Variants in EIF2B3 observed in about 807,000 individuals in gnomAD.
The protein encoded by EIF2B3 is translation initiation factor eIF2B subunit gamma.
A neutral mutation model predicts 54.1 loss-of-function variants in EIF2B3; 20 were observed. The observed-to-expected ratio is 0.37, with a 90% CI of 0.26 to 0.54. The LOEUF (loss-of-function observed/expected upper bound fraction) is 0.54. EIF2B3 is among the 20% of genes least tolerant of loss of function. The probability of loss-of-function intolerance (pLI) is 0.86; values close to 1 mark genes in which losing one functional copy is unlikely to be tolerated. For synonymous variants in EIF2B3, 153 were observed against 188.1 expected (o/e 0.81, Z 1.52); for missense variants, 448 against 547.8 (o/e 0.82, Z 1.82).
intron 4 of EIF2B3, among the ~76,000 whole-genome samples, chr1:44,941,124 A>AT (rs1221603955): frequency 2.0e-5 from 3 of 152,124 alleles, no homozygotes; most frequent in African/African-American, 7.2e-5. Context: ...TGACCTTGTG[A>AT]TCCCCCTGCC....
chr1:44,896,405 G>A (rs1206338555), intron 6 of EIF2B3, among the ~76,000 whole-genome samples: 1 of 152,190 alleles, frequency 6.6e-6, no homozygotes, highest in Non-Finnish European at 1.5e-5. Context: ...CTGCAAGAAA[G>A]ATCATACTGG....
At chr1:44,946,604 A>C (rs35809187) in intron 3 of EIF2B3, among the ~76,000 whole-genome samples, 3,274 of 150,296 alleles carry the variant, frequency 0.022, 45 homozygotes, top group Non-Finnish European at 0.034. Flanking sequence ...TATGTCCACT[A>C]ATTTTAATTT....
chr1:44,870,988 C>G (rs990306128), intron 10 of EIF2B3, among the ~76,000 whole-genome samples: 1 of 152,180 alleles, frequency 6.6e-6, no homozygotes, highest in South Asian at 2.1e-4. Flanking sequence ...CAAATTCGTA[C>G]TTCAAGCACA....
chr1:44,879,999 C>T lies in EIF2B3; in HGVS notation c.794G>A (p.Ser265Asn). The T allele has an allele frequency of 1.9e-6, 3 of 1,614,182 alleles. No individual in the cohort carries two copies. The South Asian group carries it at 3.3e-5, about 18-fold the overall frequency. The stretch of plus-strand genomic sequence containing the variant: ...CAGTGTATTGGCTTCTTTTATAAAA[C>T]TGTAGATATCTTCAGAACAAACACC... ...KKELKSLDIY[S>N]FIKEANTLNL... Residue 265 changes from serine to asparagine, a missense_variant, in exon 8 of 12, where the codon AGT becomes AAT. Transcript: ENST00000360403.
chr1:44,855,621 G>A (rs573812043), intron 11 of EIF2B3, among the ~76,000 whole-genome samples: 1 of 151,392 alleles, frequency 6.6e-6, no homozygotes, highest in Admixed American at 6.6e-5. Context: ...TAGTGGTGCA[G>A]TCTCAGCTCA....
In EIF2B3 at chr1:44,961,438, G is replaced by A. The variant is rs1644284158; in HGVS notation, c.294+16877C>T. ...CACACCTGTAATCCTAGCACTTTAG[G>A]AGGCAGAGGCAGGAGGACTGCTTGA... On this transcript the variant is annotated intron_variant, in intron 3 of 11. Transcript: ENST00000360403. 6.6e-5 allele frequency among the ~76,000 whole-genome samples: 10 copies of A among 152,168 alleles called. 1 individual carries two copies. In the South Asian group the frequency reaches 2.1e-3, roughly 32 times the overall value.
In EIF2B3 at chr1:44,850,890, T is replaced by TG; in HGVS notation, c.*60dup. 3.2e-6 allele frequency: 5 copies of TG among 1,571,196 alleles called. No homozygotes were observed. The highest frequency in any genetic ancestry group is 4.4e-6 in the Non-Finnish European group (5 of 1,141,060). ...GGAAATAAATACAGAGTTAAACAGG[T>TG]GGGCCGGCCAACATCTGTGGCTTTG... On this transcript the variant is annotated 3_prime_UTR_variant, in exon 12 of 12. Transcript: ENST00000360403.
At chr1:44,920,490 A>T (rs1018385229) in intron 5 of EIF2B3, among the ~76,000 whole-genome samples, 2 of 152,016 alleles carry the variant, frequency 1.3e-5, no homozygotes, top group Admixed American at 1.3e-4. Context: ...ATTCTTTCTA[A>T]CTAATTTTTT....
At chr1:44,964,822 G>C (rs569509605) in intron 3 of EIF2B3, among the ~76,000 whole-genome samples, 1 of 152,160 alleles carries the variant, frequency 6.6e-6, no homozygotes, top group Non-Finnish European at 1.5e-5. Context: ...CAATGAGACC[G>C]GCAATATAAA....
At position 44,914,712 on chromosome 1, in the gene EIF2B3, G is replaced by A. The variant is rs1026095784; in HGVS notation, c.566+11916C>T. 1.5e-4 allele frequency among the ~76,000 whole-genome samples: 22 copies of A among 151,654 alleles called. No homozygotes were observed. The South Asian group carries it at 1.9e-3, about 13-fold the overall frequency. On this transcript the variant is annotated intron_variant, in intron 5 of 11. Transcript: ENST00000360403. ...CCTCCCTTCCTTCCTTTTTTGAGACGGAGTCTCGCTCTGTCACCCAGGCCG... is the reference window on the plus strand; with the variant it reads ...CCTCCCTTCCTTCCTTTTTTGAGACAGAGTCTCGCTCTGTCACCCAGGCCG...
chr1:44,874,407 C>T, intron 10 of EIF2B3: 1 of 461,878 alleles, frequency 2.2e-6, no homozygotes, highest in Non-Finnish European at 3.9e-6. Context: ...TCTCTGTTCA[C>T]TGTTATCCCA....
chr1:44,863,643 T>C (rs1055719943), intron 10 of EIF2B3, among the ~76,000 whole-genome samples: 25 of 152,202 alleles, frequency 1.6e-4, no homozygotes. Flanking sequence ...ACAATCCAAC[T>C]TGCTAAGCAT....
intron 5 of EIF2B3, among the ~76,000 whole-genome samples, chr1:44,907,853 G>A (rs964427799): frequency 1.6e-5 from 2 of 127,746 alleles, no homozygotes; most frequent in African/African-American, 6.2e-5. Flanking sequence ...TCACGCCATT[G>A]CACTCCAGTC....
At chr1:44,920,945 T>C (rs973605539) in intron 5 of EIF2B3, among the ~76,000 whole-genome samples, 2 of 152,198 alleles carry the variant, frequency 1.3e-5, no homozygotes, top group African/African-American at 2.4e-5. Flanking sequence ...CTCTATTTTT[T>C]ACTTTTTTGA....
chr1:44,906,557 T>C (rs1569680789), intron 5 of EIF2B3, among the ~76,000 whole-genome samples: 3 of 152,194 alleles, frequency 2.0e-5, no homozygotes, highest in East Asian at 3.9e-4. Context: ...TGCGCCACCA[T>C]ACCCGGCTCA....
At chr1:44,912,465 G>T (rs1293995888) in intron 5 of EIF2B3, among the ~76,000 whole-genome samples, 1 of 151,682 alleles carries the variant, frequency 6.6e-6, no homozygotes, top group Non-Finnish European at 1.5e-5. Context: ...TAATTCCCTG[G>T]TATTCAAGGC....
At chr1:44,890,758 C>T (rs954500403) in intron 6 of EIF2B3, among the ~76,000 whole-genome samples, 1 of 152,134 alleles carries the variant, frequency 6.6e-6, no homozygotes, top group Non-Finnish European at 1.5e-5. Flanking sequence ...AATAAATCAT[C>T]CAAAACTGTC....
intron 1 of EIF2B3, among the ~76,000 whole-genome samples, chr1:44,981,508 G>A (rs1644512315): frequency 6.6e-6 from 1 of 152,128 alleles, no homozygotes; most frequent in African/African-American, 2.4e-5. Flanking sequence ...CCAAGATACA[G>A]TGGGCATACA....
rs1655389164 is a variant in EIF2B3 at position 44,881,191 on chromosome 1, A to G, written c.784+421T>C. Among the ~76,000 whole-genome samples, 1 of 152,174 alleles carries G rather than the reference A, an allele frequency of 6.6e-6. No individual in the cohort carries two copies. Among genetic ancestry groups the G allele is most frequent in the Admixed American group, 6.5e-5 (1 of 15,282 alleles). On this transcript the variant is annotated intron_variant, in intron 7 of 11. Coordinates refer to ENST00000360403, the MANE Select transcript of EIF2B3 (RefSeq NM_020365.5). This position sits in a 1 kb window ranked among gnomAD's most constrained non-coding sequence, Gnocchi z 4.0. ...GATCTTCAGATCCTGGCACGGAGAC[A>G]CCTGGGTTGGCCTGTGGTTGGACTG... is the stretch of plus-strand genomic sequence containing the variant.
Sources: gnomAD v4.1 joint callset for allele counts (sites outside exome capture counted in the v4.1 genomes callset) on GRCh38, gnomAD v4.1.1 for gene constraint, Gnocchi (gnomAD v3.1) non-coding constraint, MANE v1.5 for transcripts, NCBI Gene and HGNC (gene_info 2026-07-23, HGNC 2026-07-21) for gene names.